Variants in PTK2 observed in about 807,000 individuals in gnomAD.
PTK2 encodes focal adhesion kinase 1.
In PTK2, 45 loss-of-function variants were observed where a neutral mutation model predicts 150.1. That is an observed-to-expected ratio of 0.30 (90% CI 0.24 to 0.38). The LOEUF (loss-of-function observed/expected upper bound fraction) is 0.38, where lower values mean the gene tolerates loss of function less well. Among genes scored for constraint, PTK2 ranks in the 10% least tolerant of loss-of-function variants. The pLI is 1.00. For missense variants in PTK2, 919 were observed against 1,307.3 expected (o/e 0.70, Z 4.58); for synonymous variants, 432 against 449.2 (o/e 0.96, Z 0.48).
intron 10 of PTK2, among the ~76,000 whole-genome samples, chr8:140,814,006 T>C (rs1301453141): frequency 6.6e-6 from 1 of 152,004 alleles, no homozygotes; most frequent in African/African-American, 2.4e-5. Flanking sequence ...CAAATAACTA[T>C]CAGAGAATCT....
intron 10 of PTK2, 83 bp downstream of exon 10, chr8:140,818,194 C>G (rs2100105877): frequency 7.8e-7 from 1 of 1,282,670 alleles, no homozygotes; most frequent in African/African-American, 1.5e-5. Flanking sequence ...GTAAAATGAT[C>G]TTTTCCAAAA....
At chr8:140,868,243 G>A (rs2100140485) in intron 4 of PTK2, among the ~76,000 whole-genome samples, 1 of 152,214 alleles carries the variant, frequency 6.6e-6, no homozygotes, top group Non-Finnish European at 1.5e-5. Context: ...TAGCTAGCTA[G>A]TCCGTGTTTA....
At chr8:140,923,564 C>T (rs1430699025) in intron 2 of PTK2, among the ~76,000 whole-genome samples, 1 of 152,156 alleles carries the variant, frequency 6.6e-6, no homozygotes, top group East Asian at 1.9e-4. Flanking sequence ...TTTTAAATTC[C>T]TAATCCAGTG....
chr8:140,822,069 C>CA (rs1208756083), intron 8 of PTK2: 1 of 152,206 alleles, frequency 6.6e-6, no homozygotes, highest in Non-Finnish European at 1.5e-5. Flanking sequence ...TAGCCACCTA[C>CA]ATGATGTTTT....
At chr8:140,820,200 A>G (rs1358002685) in intron 8 of PTK2, among the ~76,000 whole-genome samples, 2 of 143,132 alleles carry the variant, frequency 1.4e-5, no homozygotes, top group Non-Finnish European at 3.0e-5. Context: ...CCCAGGCTCA[A>G]GCGATTCTCC....
intron 1 of PTK2, among the ~76,000 whole-genome samples, chr8:140,956,711 C>T (rs1224756088): frequency 4.6e-5 from 7 of 152,112 alleles, no homozygotes; most frequent in African/African-American, 1.7e-4. Context: ...TGATCCTGAC[C>T]TTGTGTGGGT....
At chr8:140,953,042 T>TA (rs973253056) in intron 1 of PTK2, among the ~76,000 whole-genome samples, 33 of 152,102 alleles carry the variant, frequency 2.2e-4, no homozygotes, top group African/African-American at 7.5e-4. Flanking sequence ...TTTGTCAGAT[T>TA]AAAAAAAATT....
chr8:140,735,222 C>T, intron 22 of PTK2, 29 bp downstream of exon 25: 1 of 1,601,434 alleles, frequency 6.2e-7, no homozygotes, highest in South Asian at 1.1e-5. Flanking sequence ...TGCCCCCACC[C>T]CCAGGCCCTC....
chr8:140,989,547 G>A (rs1004246536), intron 1 of PTK2, among the ~76,000 whole-genome samples: 2 of 150,818 alleles, frequency 1.3e-5, no homozygotes, highest in East Asian at 3.9e-4. Context: ...AAAAAAAGAA[G>A]ACCTAATAGA....
chr8:140,826,496 T>A (rs2100111850), intron 8 of PTK2, among the ~76,000 whole-genome samples: 1 of 152,160 alleles, frequency 6.6e-6, no homozygotes, highest in South Asian at 2.1e-4. Flanking sequence ...GAGAAACCAG[T>A]TCTAAGAACC....
At chr8:140,739,801 C>T (rs1391178854) in intron 20 of PTK2, among the ~76,000 whole-genome samples, 1 of 152,200 alleles carries the variant, frequency 6.6e-6, no homozygotes, top group Non-Finnish European at 1.5e-5. Context: ...AGCCCTGACC[C>T]TGTCTTCCCT....
intron 26 of PTK2, among the ~76,000 whole-genome samples, chr8:140,693,575 A>ATT (rs2100024505): frequency 2.1e-5 from 1 of 47,746 alleles, no homozygotes; most frequent in African/African-American, 5.5e-5. Flanking sequence ...AAAAAAAAAA[A>ATT]AAAAAAAAAA....
intron 24 of PTK2, among the ~76,000 whole-genome samples, chr8:140,703,037 CAG>C (rs1216042118): frequency 1.3e-5 from 2 of 152,090 alleles, no homozygotes; most frequent in African/African-American, 2.4e-5. Context: ...GAAGAAGGGT[CAG>C]AGAGAGTTAG....
intron 1 of PTK2, among the ~76,000 whole-genome samples, chr8:140,942,678 A>G (rs987490311): frequency 6.6e-6 from 1 of 152,072 alleles, no homozygotes; most frequent in Admixed American, 6.6e-5. Flanking sequence ...GTATATGGAT[A>G]ATATCTGTTT....
At chr8:140,752,567 A>C (rs1297520605) in intron 16 of PTK2, among the ~76,000 whole-genome samples, 1 of 152,256 alleles carries the variant, frequency 6.6e-6, no homozygotes, top group Non-Finnish European at 1.5e-5. Flanking sequence ...TTAGAGATAC[A>C]CCATGTGGCT....
At chr8:140,857,388 C>T (rs1220980793) in intron 5 of PTK2, among the ~76,000 whole-genome samples, 1 of 152,184 alleles carries the variant, frequency 6.6e-6, no homozygotes, top group African/African-American at 2.4e-5. Flanking sequence ...CTCGAATCTC[C>T]AAGCTCCCTT....
rs560570778 is a variant in PTK2 at position 140,822,721 on chromosome 8, G to A, written c.649-3701C>T. Among the ~76,000 whole-genome samples, 5 of 152,326 alleles carry A rather than the reference G, an allele frequency of 3.3e-5. No homozygotes were observed. The South Asian group carries it at 6.2e-4, about 19-fold the overall frequency. On this transcript the variant is annotated intron_variant, in intron 8 of 31. Transcript: ENST00000522684. ...GACATGGCACTTATATAAGATCCAC[G>A]TTGGTGATAAGGGAGCATGCACTGC...
intron 16 of PTK2, among the ~76,000 whole-genome samples, chr8:140,758,006 T>G (rs1476663273): frequency 6.7e-6 from 1 of 150,336 alleles, no homozygotes; most frequent in African/African-American, 2.5e-5. Context: ...TAAACGACTA[T>G]GTTACAGGTT....
intron 2 of PTK2, chr8:140,909,490 T>A (rs1023780140): frequency 3.3e-5 from 5 of 152,178 alleles, no homozygotes; most frequent in African/African-American, 1.2e-4. Context: ...AACTAGCACA[T>A]ATCATGAAAA....
Sources: allele counts gnomAD v4.1 joint callset (sites outside exome capture counted in the v4.1 genomes callset), GRCh38; gene constraint gnomAD v4.1.1; transcripts MANE v1.5; gene names NCBI Gene and HGNC (gene_info 2026-07-23, HGNC 2026-07-21).